Variants in ASCC3 observed in about 807,000 individuals in gnomAD.
ASCC3 encodes the protein ASC-1 complex subunit P200.
ASCC3 carries 158 observed loss-of-function variants against 256.3 expected under a neutral mutation model. The observed-to-expected ratio is 0.62, with a 90% CI of 0.54 to 0.70. The LOEUF (loss-of-function observed/expected upper bound fraction) is 0.70. Among genes scored for constraint, ASCC3 ranks in the 30% least tolerant of loss-of-function variants. The probability of loss-of-function intolerance (pLI) is 0.00; values close to 1 mark genes in which losing one functional copy is unlikely to be tolerated. For synonymous variants in ASCC3, 948 were observed against 883.4 expected, an observed-to-expected ratio of 1.07 and a Z score of -1.30; for missense variants, 2,259 against 2,626.0, an observed-to-expected ratio of 0.86 and a Z score of 3.05.
intron 30 of ASCC3, among the ~76,000 whole-genome samples, chr6:100,617,993 G>T (rs1340129826): frequency 6.6e-6 from 1 of 152,138 alleles, no homozygotes; most frequent in Non-Finnish European, 1.5e-5. Flanking sequence ...TAATTGCCTT[G>T]AAATCTCCAC....
intron 13 of ASCC3, among the ~76,000 whole-genome samples, chr6:100,698,402 C>G (rs1267208816): frequency 6.6e-6 from 1 of 151,986 alleles, no homozygotes; most frequent in Non-Finnish European, 1.5e-5. Flanking sequence ...TTATGATAAG[C>G]TAGCTATATT....
intron 10 of ASCC3, among the ~76,000 whole-genome samples, chr6:100,740,780 T>C (rs866301094): frequency 6.6e-6 from 1 of 152,122 alleles, no homozygotes; most frequent in Non-Finnish European, 1.5e-5. Flanking sequence ...TTATTTTGAG[T>C]TTATGTGTGT....
rs114787237 is a variant in ASCC3 at position 100,654,369 on chromosome 6, T to A, written c.2823+1330A>T. The stretch of plus-strand genomic sequence containing the variant: ...GTACTATGTATCCAAAAGGTCTTTA[T>A]ACTGGAAAATGAAAGGCAAATGACT... On this transcript the variant is annotated intron_variant, in intron 17 of 41. Coordinates refer to ENST00000369162, the MANE Select transcript of ASCC3 (RefSeq NM_006828.4). Among the ~76,000 whole-genome samples the A allele has an allele frequency of 8.3e-3, 1,262 of 152,012 alleles. 15 individuals carry two copies. Among genetic ancestry groups the A allele is most frequent in the African/African-American group, 0.028 (1,176 of 41,506 alleles).
At chr6:100,737,094 C>A (rs982923948) in intron 10 of ASCC3, among the ~76,000 whole-genome samples, 1 of 150,420 alleles carries the variant, frequency 6.6e-6, no homozygotes, top group Non-Finnish European at 1.5e-5. Context: ...ATGCAGTGAG[C>A]CGAGATTGCA....
chr6:100,794,541 C>T (rs1769510685), intron 8 of ASCC3, among the ~76,000 whole-genome samples: 1 of 151,976 alleles, frequency 6.6e-6, no homozygotes, highest in Non-Finnish European at 1.5e-5. Flanking sequence ...CCAACTGTAC[C>T]ACTTATTTCC....
intron 8 of ASCC3, among the ~76,000 whole-genome samples, chr6:100,787,499 A>G (rs1374474399): frequency 6.6e-6 from 1 of 152,082 alleles, no homozygotes; most frequent in African/African-American, 2.4e-5. Flanking sequence ...CCCAGTTAAA[A>G]TCTCAGCAGA....
intron 34 of ASCC3, among the ~76,000 whole-genome samples, chr6:100,595,544 C>T (rs1772248888): frequency 6.6e-6 from 1 of 151,932 alleles, no homozygotes; most frequent in Non-Finnish European, 1.5e-5. Flanking sequence ...TTTTGGGGGG[C>T]ATCAAATAAA....
At chr6:100,556,862 A>C (rs1191256851) in intron 36 of ASCC3, among the ~76,000 whole-genome samples, 2 of 152,138 alleles carry the variant, frequency 1.3e-5, no homozygotes, top group Non-Finnish European at 2.9e-5. Context: ...ATTTGAGAAA[A>C]AAAATAATAA....
In ASCC3 at chr6:100,799,491, G is replaced by A; in HGVS notation, c.1209C>T (p.Pro403=). The A allele has an allele frequency of 6.2e-7, 1 of 1,613,096 alleles. No homozygotes were observed. Among genetic ancestry groups the A allele is most frequent in the South Asian group, 1.1e-5 (1 of 91,068 alleles). ...RDADVEKIHY[P]HVYDSQAEAM... is the part of the protein sequence containing the mutation. ...CTTCAGCCTGGGAATCATACACATG[G>A]GGATAATGTATTTTTTCAACGTCTG... The change falls in exon 7 of 42, where the codon CCC becomes CCT. Residue 403 remains proline, a synonymous_variant. Transcript: ENST00000369162.
intron 12 of ASCC3, among the ~76,000 whole-genome samples, chr6:100,717,649 T>C (rs920516003): frequency 1.1e-4 from 16 of 152,074 alleles, no homozygotes; most frequent in Non-Finnish European, 1.8e-4. Context: ...TGATGGTTGC[T>C]ACTATGATAT....
At chr6:100,563,995 G>A (rs1032422186) in intron 36 of ASCC3, among the ~76,000 whole-genome samples, 1 of 151,884 alleles carries the variant, frequency 6.6e-6, no homozygotes, top group East Asian at 1.9e-4. Flanking sequence ...CATACAGTTA[G>A]AAAATGGTGC....
intron 36 of ASCC3, among the ~76,000 whole-genome samples, chr6:100,553,566 C>G (rs1018786151): frequency 1.3e-5 from 2 of 151,994 alleles, no homozygotes; most frequent in African/African-American, 4.8e-5. Context: ...CTACTAACTG[C>G]AAATCTGTGT....
chr6:100,609,121 C>G (rs1773260583), intron 30 of ASCC3, among the ~76,000 whole-genome samples: 2 of 151,788 alleles, frequency 1.3e-5, no homozygotes, highest in South Asian at 2.1e-4. Flanking sequence ...TATGCTTTAA[C>G]TTTATGGACC....
At chr6:100,534,810 G>A (rs1273230375) in intron 37 of ASCC3, among the ~76,000 whole-genome samples, 1 of 152,192 alleles carries the variant, frequency 6.6e-6, no homozygotes, top group Non-Finnish European at 1.5e-5. Context: ...TTCAAGCCAG[G>A]AGGAATAATT....
At chr6:100,826,637 A>G (rs1771325670) in intron 4 of ASCC3, among the ~76,000 whole-genome samples, 2 of 152,162 alleles carry the variant, frequency 1.3e-5, no homozygotes, top group Admixed American at 1.3e-4. Context: ...ACTGCTGAAG[A>G]CAGAACCAAA....
rs1775423673 is a variant in ASCC3 at position 100,647,212 on chromosome 6, T to C, written c.3478+14A>G. On this transcript the variant is annotated intron_variant, in intron 21 of 41. Transcript: ENST00000369162. ...ACAAAACAATACATTCAAACATATTTGCTTCCTTCTTACCTATTTCATCTT... is the reference window on the plus strand; with the variant it reads ...ACAAAACAATACATTCAAACATATTCGCTTCCTTCTTACCTATTTCATCTT... The C allele has an allele frequency of 6.3e-7, 1 of 1,577,596 alleles. No individual in the cohort carries two copies. The highest frequency in any genetic ancestry group is 1.3e-5 in the African/African-American group (1 of 74,120).
chr6:100,638,697 A>T lies in ASCC3; in HGVS notation c.4026T>A (p.Asp1342Glu). 6.2e-7 allele frequency: 1 copy of T among 1,614,062 alleles called. No homozygotes were observed. Among genetic ancestry groups the T allele is most frequent in the Non-Finnish European group, 8.5e-7 (1 of 1,179,944 alleles). ...TAGGTGCTCCAAGTAGGACATTACA[A>T]TCCGTGTGATACAATGTATGAAATA... ...TQIFHTLYHT[D>E]CNVLLGAPTG... Residue 1342 changes from aspartate to glutamate, a missense_variant, in exon 25 of 42, where the codon GAT becomes GAA. Asp to Glu is a conservative substitution (Grantham distance 45). This residue lies in a region of ASCC3 where 1,839 missense variants were observed against 2,206.7 expected (regional missense o/e 0.83). Coordinates refer to ENST00000369162, the MANE Select transcript of ASCC3 (RefSeq NM_006828.4).
intron 8 of ASCC3, among the ~76,000 whole-genome samples, chr6:100,770,915 T>C (rs564583628): frequency 6.3e-4 from 96 of 151,748 alleles, no homozygotes; most frequent in African/African-American, 2.3e-3. Flanking sequence ...CAGGGTTTCC[T>C]ATGGAAATTG....
chr6:100,849,216 C>A (rs1399031637), intron 3 of ASCC3, among the ~76,000 whole-genome samples: 5 of 152,150 alleles, frequency 3.3e-5, no homozygotes, highest in Non-Finnish European at 7.4e-5. Flanking sequence ...GTAAATAAAT[C>A]ATTATCAGTA....
Sources: allele counts gnomAD v4.1 joint callset (sites outside exome capture counted in the v4.1 genomes callset), GRCh38; gene constraint gnomAD v4.1.1; regional missense constraint gnomAD v4.1.1; transcripts MANE v1.5; gene names NCBI Gene and HGNC (gene_info 2026-07-23, HGNC 2026-07-21).